Variants in CTNNA2 observed in about 807,000 individuals in gnomAD.
CTNNA2 encodes the protein catenin alpha 2.
A neutral mutation model predicts 101.0 loss-of-function variants in CTNNA2; 42 were observed. The ratio of observed to expected loss-of-function variants is 0.42; its 90% CI spans 0.32 to 0.54. CTNNA2 has a LOEUF of 0.54. Ranked by LOEUF, CTNNA2 falls within the 20% of genes least tolerant of loss-of-function variation. CTNNA2 has a pLI of 0.14. For missense variants in CTNNA2, 871 were observed against 1,223.1 expected (o/e 0.71, Z 4.29); for synonymous variants, 450 against 456.4 (o/e 0.99, Z 0.18).
rs1364413914 is a variant in CTNNA2, at chr2:80,536,659, C to T, written c.1291-8323C>T. Among the ~76,000 whole-genome samples the T allele has an allele frequency of 2.0e-5, 3 of 152,156 alleles. No homozygotes were observed. In the East Asian group the frequency reaches 5.8e-4, roughly 29 times the overall value. On this transcript the variant is annotated intron_variant, in intron 9 of 18. Coordinates refer to ENST00000402739, the MANE Select transcript of CTNNA2 (RefSeq NM_001282597.3). The stretch of plus-strand genomic sequence containing the variant: ...CATTTTTCTGATGTACTTCATATCA[C>T]GTTGGAGTTAAATGCCTAAATACTT...
chr2:79,331,788 C>G (rs1676878478), intron 3 of CTNNA2, among the ~76,000 whole-genome samples: 1 of 151,982 alleles, frequency 6.6e-6, no homozygotes. Context: ...GTTCTGAAGG[C>G]TAATTATCAA....
chr2:79,753,405 G>A (rs1672177823), intron 3 of CTNNA2, among the ~76,000 whole-genome samples: 1 of 151,930 alleles, frequency 6.6e-6, no homozygotes, highest in South Asian at 2.1e-4. Context: ...CCATTTAATG[G>A]TGTAACACAG....
At chr2:79,766,699 G>A (rs1673180202) in intron 3 of CTNNA2, among the ~76,000 whole-genome samples, 2 of 151,818 alleles carry the variant, frequency 1.3e-5, no homozygotes, top group South Asian at 2.1e-4. Flanking sequence ...TAGATCTATA[G>A]GTATGTTTCA....
intron 2 of CTNNA2, among the ~76,000 whole-genome samples, chr2:79,707,260 A>G (rs1199103591): frequency 6.6e-6 from 1 of 152,134 alleles, no homozygotes; most frequent in Non-Finnish European, 1.5e-5. Flanking sequence ...CACACCATAA[A>G]CTAACATGGT....
chr2:79,444,093 C>T (rs2104521041), intron 4 of CTNNA2, among the ~76,000 whole-genome samples: 1 of 152,120 alleles, frequency 6.6e-6, no homozygotes. Context: ...GATATCTCTA[C>T]AGTTGAGCCT....
chr2:80,369,355 G>A (rs1675241788), intron 7 of CTNNA2, among the ~76,000 whole-genome samples: 1 of 152,060 alleles, frequency 6.6e-6, no homozygotes. Flanking sequence ...TTAGAAAGTT[G>A]GGGAATATAC....
intron 7 of CTNNA2, among the ~76,000 whole-genome samples, chr2:80,013,464 A>G (rs1238307918): frequency 1.3e-5 from 2 of 152,204 alleles, no homozygotes; most frequent in Non-Finnish European, 2.9e-5. Flanking sequence ...CAGCTACCTT[A>G]AAACTAGCAG....
chr2:80,488,331 C>A (rs2149512692), intron 9 of CTNNA2, among the ~76,000 whole-genome samples: 1 of 151,868 alleles, frequency 6.6e-6, no homozygotes, highest in South Asian at 2.1e-4. Context: ...TTTTTCCCAC[C>A]TGGCCTGGTT....
chr2:80,134,862 A>G (rs1002206542), intron 7 of CTNNA2, among the ~76,000 whole-genome samples: 10 of 152,108 alleles, frequency 6.6e-5, no homozygotes, highest in Non-Finnish European at 1.3e-4. Context: ...TGATGTTCCT[A>G]TTTGTTTATC....
At chr2:79,339,090 C>A (rs961496003) in intron 3 of CTNNA2, among the ~76,000 whole-genome samples, 1 of 151,988 alleles carries the variant, frequency 6.6e-6, no homozygotes, top group Non-Finnish European at 1.5e-5. Flanking sequence ...GGAGAAGTTG[C>A]CCAAAGCCAC....
chr2:79,936,753 T>C (rs1687821154), intron 7 of CTNNA2, among the ~76,000 whole-genome samples: 1 of 152,144 alleles, frequency 6.6e-6, no homozygotes, highest in African/African-American at 2.4e-5. Context: ...TTTATACACT[T>C]GGGAGACTCT....
chr2:79,222,545 T>G lies in CTNNA2; in HGVS notation c.-406+24469T>G, dbSNP rs183698167. Among the ~76,000 whole-genome samples, 131 of 152,306 alleles carry G rather than the reference T, an allele frequency of 8.6e-4. 1 individual carries two copies. The highest frequency in any genetic ancestry group is 3.4e-3 in the Middle Eastern group (1 of 294). ...CTGTTGATAGCACAGGTGGGGGACCTGAGAAGTTAACCAGGAAAATATTAC... is the reference window on the plus strand; with the variant it reads ...CTGTTGATAGCACAGGTGGGGGACCGGAGAAGTTAACCAGGAAAATATTAC... On this transcript the variant is annotated intron_variant, in intron 2 of 21. Transcript: ENST00000466387.
intron 7 of CTNNA2, among the ~76,000 whole-genome samples, chr2:79,969,797 C>T (rs541836885): frequency 3.9e-5 from 6 of 152,138 alleles, no homozygotes; most frequent in African/African-American, 1.2e-4. Context: ...TCAATTAAAT[C>T]GGAAACACTT....
chr2:80,641,122 A>ATTTTCATTTTT (rs1673429598), intron 18 of CTNNA2, among the ~76,000 whole-genome samples: 1 of 152,232 alleles, frequency 6.6e-6, no homozygotes, highest in Non-Finnish European at 1.5e-5. Context: ...AAAATAAAAT[A>ATTTTCATTTTT]GCAAGGCCCA....
chr2:80,254,559 C>A (rs1385697541), intron 7 of CTNNA2, among the ~76,000 whole-genome samples: 1 of 152,104 alleles, frequency 6.6e-6, no homozygotes, highest in African/African-American at 2.4e-5. Flanking sequence ...GGTCGACTGA[C>A]CTAGTGTTTC....
At chr2:79,639,655 A>G (rs1409592804) in intron 1 of CTNNA2, among the ~76,000 whole-genome samples, 2 of 152,088 alleles carry the variant, frequency 1.3e-5, no homozygotes, top group Non-Finnish European at 2.9e-5. Context: ...AACTTTTATG[A>G]CTTGGTTATA....
At chr2:79,526,363 T>G (rs76506938) in intron 1 of CTNNA2, among the ~76,000 whole-genome samples, 2 of 151,970 alleles carry the variant, frequency 1.3e-5, no homozygotes, top group Admixed American at 6.6e-5. Flanking sequence ...AATGGAAATA[T>G]ATGTATGTTC....
chr2:79,983,780 A>G (rs1315388746), intron 7 of CTNNA2, among the ~76,000 whole-genome samples: 1 of 152,178 alleles, frequency 6.6e-6, no homozygotes, highest in Admixed American at 6.5e-5. Context: ...GATTTGCTTA[A>G]TTACTAGTAC....
intron 2 of CTNNA2, among the ~76,000 whole-genome samples, chr2:79,668,068 G>A (rs531184960): frequency 1.3e-5 from 2 of 150,290 alleles, no homozygotes; most frequent in Non-Finnish European, 3.0e-5. Flanking sequence ...GTGAAACCCC[G>A]TCTCTACTAA....
Sources: gnomAD v4.1 joint callset for allele counts (sites outside exome capture counted in the v4.1 genomes callset) on GRCh38, gnomAD v4.1.1 for gene constraint, MANE v1.5 for transcripts, NCBI Gene and HGNC (gene_info 2026-07-23, HGNC 2026-07-21) for gene names.